Variants in LAMA2 observed in about 807,000 individuals in gnomAD.
LAMA2 encodes the protein laminin subunit alpha 2.
LAMA2 carries 269 observed loss-of-function variants against 364.8 expected under a neutral mutation model. The observed-to-expected ratio is 0.74, with a 90% confidence interval of 0.67 to 0.82. LAMA2 has a LOEUF of 0.82. LAMA2 is among the 40% of genes least tolerant of loss of function. The pLI is 0.00. For missense variants in LAMA2, 3,807 were observed against 3,873.2 expected (o/e 0.98, Z 0.45); for synonymous variants, 1,379 against 1,370.6 (o/e 1.01, Z -0.14).
intron 34 of LAMA2, among the ~76,000 whole-genome samples, chr6:129,370,351 C>T (rs889787786): frequency 6.6e-6 from 1 of 152,174 alleles, no homozygotes; most frequent in Non-Finnish European, 1.5e-5. Context: ...TGGTCTCTTT[C>T]ATCTCATCGT....
At chr6:129,337,550 A>G (rs989095892) in intron 29 of LAMA2, among the ~76,000 whole-genome samples, 61 of 152,142 alleles carry the variant, frequency 4.0e-4, no homozygotes, top group Non-Finnish European at 6.5e-4. Flanking sequence ...TGCAAGACGA[A>G]AAAAGCTGTC....
At chr6:129,397,594 G>C (rs183494146) in intron 37 of LAMA2, among the ~76,000 whole-genome samples, 196 of 151,694 alleles carry the variant, frequency 1.3e-3, no homozygotes, top group African/African-American at 4.5e-3. Context: ...ATCTTTTCTC[G>C]GTTCAAAGCT....
intron 3 of LAMA2, among the ~76,000 whole-genome samples, chr6:129,065,730 A>G (rs1789253339): frequency 6.6e-6 from 1 of 152,250 alleles, no homozygotes; most frequent in Admixed American, 6.5e-5. Flanking sequence ...CTGTGTCCCC[A>G]CCCAAATTTC....
Position 128,883,502 on chromosome 6 carries a change from G to A in LAMA2, c.112+145G>A, listed in dbSNP as rs1049288329. The stretch of plus-strand genomic sequence containing the variant: ...CGCTCTGGGGCAAGAGGAACTTGAA[G>A]CAAGTTCAAGTTCAATGCCATGAGA... On this transcript the variant is annotated intron_variant, in intron 1 of 64. Coordinates refer to ENST00000421865, the MANE Select transcript of LAMA2 (RefSeq NM_000426.4). The A allele has an allele frequency of 4.4e-6, 6 of 1,350,968 alleles. No homozygotes were observed. In the South Asian group the frequency reaches 6.3e-5, roughly 14 times the overall value. The allele number at this position is 1,350,968 out of a possible 1,614,324, so 83.7% of individuals were successfully genotyped here.
intron 49 of LAMA2, among the ~76,000 whole-genome samples, chr6:129,463,735 T>G (rs1177073839): frequency 3.3e-5 from 5 of 152,024 alleles, no homozygotes; most frequent in Admixed American, 3.3e-4. Flanking sequence ...CTGTATTGTA[T>G]GTACTAGATG....
At chr6:129,342,102 C>T (rs1319118633) in intron 29 of LAMA2, among the ~76,000 whole-genome samples, 1 of 152,134 alleles carries the variant, frequency 6.6e-6, no homozygotes, top group Admixed American at 6.5e-5. Context: ...AGAATAGCAA[C>T]TCTTATTGTC....
intron 4 of LAMA2, among the ~76,000 whole-genome samples, chr6:129,124,764 A>T (rs1453492135): frequency 6.6e-6 from 1 of 152,218 alleles, no homozygotes; most frequent in African/African-American, 2.4e-5. Flanking sequence ...TATTAATAGT[A>T]TATTCACAGA....
intron 61 of LAMA2, among the ~76,000 whole-genome samples, chr6:129,506,987 T>G (rs1398295318): frequency 6.6e-6 from 1 of 152,104 alleles, no homozygotes; most frequent in Non-Finnish European, 1.5e-5. Flanking sequence ...CTTTCAAGTT[T>G]TATGCATATT....
At chr6:129,068,660 A>G (rs774582589) in intron 3 of LAMA2, among the ~76,000 whole-genome samples, 15 of 152,234 alleles carry the variant, frequency 9.9e-5, no homozygotes, top group Non-Finnish European at 2.1e-4. Context: ...AGTCTATAGA[A>G]AGCGTGAAGT....
At chr6:129,128,301 T>G (rs1335789628) in intron 4 of LAMA2, among the ~76,000 whole-genome samples, 1 of 152,188 alleles carries the variant, frequency 6.6e-6, no homozygotes, top group Non-Finnish European at 1.5e-5. Context: ...AAAAATAAAT[T>G]GGTTGTACAT....
At chr6:128,947,163 G>T (rs1209535828) in intron 1 of LAMA2, among the ~76,000 whole-genome samples, 1 of 152,156 alleles carries the variant, frequency 6.6e-6, no homozygotes, top group East Asian at 1.9e-4. Flanking sequence ...CAGGGGTGAG[G>T]ATACAAAGAT....
At chr6:129,294,094 T>A (rs1301333277) in intron 20 of LAMA2, among the ~76,000 whole-genome samples, 1 of 152,172 alleles carries the variant, frequency 6.6e-6, no homozygotes, top group Non-Finnish European at 1.5e-5. Flanking sequence ...TCTGCTGCAA[T>A]GGGGTTCTGA....
At chr6:129,324,099 A>G (rs988635043) in intron 28 of LAMA2, among the ~76,000 whole-genome samples, 6 of 152,198 alleles carry the variant, frequency 3.9e-5, no homozygotes, top group African/African-American at 1.4e-4. Flanking sequence ...CTCTGTTTTC[A>G]TGTACAGACA....
intron 58 of LAMA2, 42 bp from the exon 59 acceptor site, chr6:129,502,617 C>T: frequency 8.3e-7 from 1 of 1,199,046 alleles, no homozygotes; most frequent in East Asian, 2.3e-5. Context: ...TTTTAAAGAA[C>T]AGTCCATAAT....
At chr6:128,977,187 TCTTC>T (rs1296173351) in intron 1 of LAMA2, among the ~76,000 whole-genome samples, 1 of 151,990 alleles carries the variant, frequency 6.6e-6, no homozygotes, top group Non-Finnish European at 1.5e-5. Context: ...TAATGCTCTT[TCTTC>T]CTTCGTTCCT....
chr6:129,046,635 T>A (rs9492210), intron 1 of LAMA2, among the ~76,000 whole-genome samples: 50,288 of 152,000 alleles, frequency 0.33, 9,710 homozygotes, highest in African/African-American at 0.54. Flanking sequence ...ACCATTATGT[T>A]TATTCAATGT....
chr6:129,238,077 A>G (rs1479778020), intron 12 of LAMA2, among the ~76,000 whole-genome samples: 1 of 151,948 alleles, frequency 6.6e-6, no homozygotes, highest in African/African-American at 2.4e-5. Context: ...AGGCATGAGA[A>G]TCACTTAATT....
At chr6:129,214,355 A>G (rs1783290119) in intron 12 of LAMA2, among the ~76,000 whole-genome samples, 1 of 152,160 alleles carries the variant, frequency 6.6e-6, no homozygotes, top group South Asian at 2.1e-4. Flanking sequence ...CAAGAGCAAG[A>G]ACTCACTCTA....
intron 31 of LAMA2, among the ~76,000 whole-genome samples, chr6:129,350,509 G>T (rs1259832506): frequency 6.6e-6 from 1 of 152,164 alleles, no homozygotes; most frequent in Admixed American, 6.5e-5. Context: ...CAAAAGTCCA[G>T]CTCTTTGGCC....
Sources: allele counts gnomAD v4.1 joint callset (sites outside exome capture counted in the v4.1 genomes callset), GRCh38; gene constraint gnomAD v4.1.1; transcripts MANE v1.5; gene names NCBI Gene and HGNC (gene_info 2026-07-23, HGNC 2026-07-21).